ANHX: variants seen among roughly 807,000 people sequenced by gnomAD.
ANHX encodes anomalous homeobox protein.
A neutral mutation model predicts 38.9 loss-of-function variants in ANHX; 20 were observed. The observed-to-expected ratio is 0.51, with a 90% CI of 0.36 to 0.75. The LOEUF is 0.75. Ranked by LOEUF, ANHX falls within the 30% of genes least tolerant of loss-of-function variation. The pLI, the probability that ANHX is intolerant of heterozygous loss-of-function variation, is 0.00. For missense variants in ANHX, 475 were observed against 493.1 expected, an observed-to-expected ratio of 0.96 and a Z score of 0.35; for synonymous variants, 185 against 203.1, an observed-to-expected ratio of 0.91 and a Z score of 0.76.
At chr12:133,226,739 T>C (rs1957194583) in intron 5 of ANHX, among the ~76,000 whole-genome samples, 197 bp downstream of exon 5, 1 of 152,096 alleles carries the variant, frequency 6.6e-6, no homozygotes, top group Non-Finnish European at 1.5e-5. Flanking sequence ...TCAAAATGCA[T>C]AGGGGCAGCC....
chr12:133,230,734 C>G (rs962267264), intron 3 of ANHX, among the ~76,000 whole-genome samples: 1 of 149,542 alleles, frequency 6.7e-6, no homozygotes, highest in Non-Finnish European at 1.5e-5. Flanking sequence ...GCATGCTAGT[C>G]TGGGCAACAG....
At position 133,234,126 on chromosome 12, in the gene ANHX, C is replaced by T. The variant is rs754244307; in HGVS notation, c.231G>A (p.Ala77=). ...RVLDQQEQQQ[A]ACRLLEGCQV... Reference sequence around the variant, plus strand: ...GGCCTACCTCCAGGAGGCGGCAAGCCGCCTGCTGCTGCTCCTGCTGGTCCA... The same window carrying T: ...GGCCTACCTCCAGGAGGCGGCAAGCTGCCTGCTGCTGCTCCTGCTGGTCCA... The change falls in exon 2 of 10, where the codon GCG becomes GCA. Residue 77 remains alanine, a synonymous_variant. Transcript: ENST00000545940. The T allele has an allele frequency of 1.5e-4, 238 of 1,535,800 alleles. 1 individual carries two copies. Among genetic ancestry groups the T allele is most frequent in the East Asian group, 2.9e-4 (12 of 40,924 alleles).
At chr12:133,219,044 C>T in intron 9 of ANHX, 73 bp from the exon 10 acceptor site, 1 of 1,375,756 alleles carries the variant, frequency 7.3e-7, no homozygotes, top group African/African-American at 1.4e-5. Context: ...ACCTGGGCAC[C>T]TCCTGACCTT....
chr12:133,233,672 G>A (rs1026359436), intron 2 of ANHX, among the ~76,000 whole-genome samples: 4 of 152,180 alleles, frequency 2.6e-5, no homozygotes, highest in Non-Finnish European at 4.4e-5. Context: ...TGCCTAATGC[G>A]TTGAGGTTGA....
At chr12:133,225,314 TACACAC>T (rs36198127) in intron 7 of ANHX, among the ~76,000 whole-genome samples, 70 of 141,580 alleles carry the variant, frequency 4.9e-4, no homozygotes, top group African/African-American at 1.2e-3. Context: ...TATGCATACA[TACACAC>T]ACACACACAC....
In ANHX at chr12:133,221,160, G is replaced by A. The variant is rs1957103427; in HGVS notation, c.1280+45C>T. The A allele has an allele frequency of 6.5e-7, 1 of 1,531,320 alleles. No homozygotes were observed. Among genetic ancestry groups the A allele is most frequent in the South Asian group, 1.2e-5 (1 of 83,580 alleles). 94.9% of individuals were successfully genotyped at this position (1,531,320 alleles called of 1,614,324 possible). On this transcript the variant is annotated intron_variant, in intron 8 of 9. Coordinates refer to ENST00000545940, the MANE Select transcript of ANHX (RefSeq NM_001372060.1). The surrounding 1 kb of genome is among the most constrained non-coding windows in gnomAD (Gnocchi z 4.1). ...AAACTGGGCATTACCCTATCTTGTG[G>A]CCTGTGGAAAGGACTGTCCAGGCCT...
chr12:133,220,711 A>C (rs1957097513), intron 8 of ANHX, among the ~76,000 whole-genome samples: 5 of 149,950 alleles, frequency 3.3e-5, no homozygotes, highest in South Asian at 2.1e-4. Flanking sequence ...ACCCTGCCCC[A>C]GTCCTCCATC....
intron 3 of ANHX, 88 bp from the exon 4 acceptor site, chr12:133,228,035 C>T: frequency 1.4e-6 from 2 of 1,459,624 alleles, no homozygotes; most frequent in Non-Finnish European, 1.8e-6. Flanking sequence ...CAGAAGGTGA[C>T]ACTTCCTTCC....
intron 6 of ANHX, among the ~76,000 whole-genome samples, chr12:133,226,065 C>T (rs1043237014): frequency 2.0e-5 from 3 of 152,150 alleles, no homozygotes; most frequent in East Asian, 1.9e-4. Context: ...TCTGTTACCC[C>T]GTTCTCCAAG....
intron 2 of ANHX, among the ~76,000 whole-genome samples, 176 bp from the exon 3 acceptor site, chr12:133,231,820 C>A (rs1957282703): frequency 6.6e-6 from 1 of 152,322 alleles, no homozygotes; most frequent in South Asian, 2.1e-4. Flanking sequence ...ACAATGCAGG[C>A]ATGAGTCAGA....
intron 3 of ANHX, 85 bp downstream of exon 3, chr12:133,231,432 G>A: frequency 6.6e-7 from 1 of 1,504,038 alleles, no homozygotes; most frequent in Non-Finnish European, 8.9e-7. Context: ...CCTCCACTTT[G>A]CTTCAGCCCC....
intron 5 of ANHX, among the ~76,000 whole-genome samples, chr12:133,226,705 T>A (rs1398599736): frequency 6.6e-6 from 1 of 152,148 alleles, no homozygotes; most frequent in Admixed American, 6.5e-5. Flanking sequence ...CCAGCCCAGC[T>A]CCTGGCCCGG....
At chr12:133,233,566 G>A (rs1335799043) in intron 2 of ANHX, among the ~76,000 whole-genome samples, 1 of 152,174 alleles carries the variant, frequency 6.6e-6, no homozygotes, top group East Asian at 1.9e-4. Context: ...CTGTCATCAA[G>A]CATACTCTTA....
At chr12:133,226,170 C>T in intron 6 of ANHX, 148 bp downstream of exon 6, 2 of 1,295,310 alleles carry the variant, frequency 1.5e-6, no homozygotes, top group Non-Finnish European at 2.1e-6. Context: ...GGGCTCCTTG[C>T]TGGTGGCTTC....
chr12:133,222,889 T>C (rs1319591017), intron 7 of ANHX, among the ~76,000 whole-genome samples: 2 of 152,202 alleles, frequency 1.3e-5, no homozygotes, highest in Non-Finnish European at 2.9e-5. Context: ...ATTGAAATTC[T>C]CTTAAGATAT....
chr12:133,223,199 T>A (rs566571010), intron 7 of ANHX, among the ~76,000 whole-genome samples: 1,409 of 137,924 alleles, frequency 0.01, 8 homozygotes, highest in African/African-American at 0.019. Context: ...CAAAAAAAAA[T>A]ATATATATAT....
At chr12:133,230,100 C>T (rs933406352) in intron 3 of ANHX, among the ~76,000 whole-genome samples, 1 of 152,254 alleles carries the variant, frequency 6.6e-6, no homozygotes, top group African/African-American at 2.4e-5. Flanking sequence ...TTCTCACTCT[C>T]TGAATTATGT....
chr12:133,226,396 G>A lies in ANHX; in HGVS notation c.761C>T (p.Thr254Ile), dbSNP rs571908356. The part of the protein sequence containing the change: ...EKGPPQSPQT[T>I]QGPWEPLALA... ...GGCCAGTGGCTCCCATGGTCCTTGG[G>A]TGGTCTGTGGGGACTGTGGAGGCCC... Residue 254 changes from threonine to isoleucine, a missense_variant, in exon 6 of 10, where the codon ACC becomes ATC. Thr to Ile is a moderately conservative substitution (Grantham distance 89). Coordinates refer to ENST00000545940, the MANE Select transcript of ANHX (RefSeq NM_001372060.1). The A allele has an allele frequency of 1.3e-3, 2,004 of 1,536,236 alleles. 8 individuals are homozygous for A. Among genetic ancestry groups the A allele is most frequent in the Non-Finnish European group, 1.5e-3 (1,693 of 1,146,900 alleles).
At chr12:133,219,413 C>A in intron 8 of ANHX, 46 bp from the exon 9 acceptor site, 2 of 1,340,262 alleles carry the variant, frequency 1.5e-6, no homozygotes, top group Non-Finnish European at 2.0e-6. Flanking sequence ...CAAGGGGACA[C>A]TGGGGTGACA....
Sources: gnomAD v4.1 joint callset for allele counts (sites outside exome capture counted in the v4.1 genomes callset) on GRCh38, gnomAD v4.1.1 for gene constraint, Gnocchi (gnomAD v3.1) non-coding constraint, MANE v1.5 for transcripts, NCBI Gene and HGNC (gene_info 2026-07-23, HGNC 2026-07-21) for gene names.